Variants in ARAP3 observed in about 807,000 individuals in gnomAD.
The protein encoded by ARAP3 is ArfGAP with RhoGAP domain, ankyrin repeat and PH domain 3.
In ARAP3, 82 loss-of-function variants were observed where a neutral mutation model predicts 169.2. The observed-to-expected ratio is 0.48, with a 90% CI of 0.41 to 0.58. ARAP3 has a LOEUF of 0.58. Among genes scored for constraint, ARAP3 ranks in the 20% least tolerant of loss-of-function variants. ARAP3 has a pLI of 0.00. For missense variants in ARAP3, 1,764 were observed against 2,018.0 expected (o/e 0.87, Z 2.41); for synonymous variants, 791 against 800.3 (o/e 0.99, Z 0.20).
chr5:141,679,742 C>T lies in ARAP3; in HGVS notation c.586+19G>A, dbSNP rs200903046. On this transcript the variant is annotated intron_variant, in intron 3 of 32. Transcript: ENST00000239440. ...TGCCGGCACTATCCCTCTCCCCCAACCCGTGATAACCCAGTTACCTGTGCC... is the reference window on the plus strand; with the variant it reads ...TGCCGGCACTATCCCTCTCCCCCAATCCGTGATAACCCAGTTACCTGTGCC... The T allele has an allele frequency of 2.5e-6, 4 of 1,614,034 alleles. No homozygotes were observed. The highest frequency in any genetic ancestry group is 3.4e-6 in the Non-Finnish European group (4 of 1,180,028).
chr5:141,656,892 A>G, intron 25 of ARAP3, 46 bp from the exon 26 acceptor site: 1 of 1,580,474 alleles, frequency 6.3e-7, no homozygotes, highest in Non-Finnish European at 8.6e-7. Flanking sequence ...GAATATCCAT[A>G]CTAAGCCCCC....
chr5:141,654,585 C>A, intron 32 of ARAP3, 150 bp from the exon 33 acceptor site: 1 of 1,122,660 alleles, frequency 8.9e-7, no homozygotes, highest in Non-Finnish European at 1.2e-6. Context: ...GTGGGTTACA[C>A]TGAGTCAACT....
At chr5:141,658,288 G>T in intron 25 of ARAP3, 77 bp downstream of exon 25, 3 of 1,430,914 alleles carry the variant, frequency 2.1e-6, no homozygotes, top group Non-Finnish European at 2.9e-6. Flanking sequence ...GTAACATGAA[G>T]TCACTGATGA....
At chr5:141,659,317 C>G (rs1376049169) in intron 23 of ARAP3, 91 bp downstream of exon 23, 1 of 1,258,780 alleles carries the variant, frequency 7.9e-7, no homozygotes, top group Non-Finnish European at 1.2e-6. Flanking sequence ...GAAGGACAGG[C>G]TGGAAACTTC....
At chr5:141,679,205 C>T (rs1346872395) in intron 4 of ARAP3, among the ~76,000 whole-genome samples, 1 of 152,190 alleles carries the variant, frequency 6.6e-6, no homozygotes, top group South Asian at 2.1e-4. Context: ...AGGAGAATCG[C>T]TTGAACCCAG....
intron 25 of ARAP3, 119 bp from the exon 26 acceptor site, chr5:141,656,965 G>T: frequency 7.3e-7 from 1 of 1,371,586 alleles, no homozygotes; most frequent in Non-Finnish European, 9.8e-7. Flanking sequence ...ATTTTTCACT[G>T]TCTCTATGCC....
Position 141,679,814 on chromosome 5 carries a change from T to C in ARAP3, c.533A>G (p.Asp178Gly). ...RAQAAQDKAP[D>G]SSQISAPTPA... ...GGTGGGGGCAGAGATTTGGGAGCTG[T>C]CTGGGGCCCTGAAGGGAAAGGTCTA... The change falls in exon 3 of 33, where the codon GAC becomes GGC. Residue 178 changes from aspartate (D) to glycine (G), a missense_variant. Asp to Gly is a moderately conservative substitution (Grantham distance 94, BLOSUM62 -1). This residue lies in a region of ARAP3 where 630 missense variants were observed against 678.7 expected (regional missense o/e 0.93). Transcript: ENST00000239440. 5 of 1,612,494 alleles carry C rather than the reference T, an allele frequency of 3.1e-6. No homozygotes were observed. Among genetic ancestry groups the C allele is most frequent in the Non-Finnish European group, 3.4e-6 (4 of 1,179,566 alleles).
chr5:141,654,085 A>G lies in ARAP3; in HGVS notation c.4500T>C (p.Thr1500=), dbSNP rs1318779012. The change falls in exon 33 of 33, where the codon ACT becomes ACC. Residue 1500 remains threonine (T), a synonymous_variant. Coordinates refer to ENST00000239440, the MANE Select transcript of ARAP3 (RefSeq NM_022481.6). ...GCTGGGAAGGACTTCCCAGGCCTGC[A>G]GTGGTCTCTCCTTTCCTCAGGATGA... ...SSLILRKGET[T]AGLGSPSQPS... 3 of 1,610,184 alleles carry G rather than the reference A, an allele frequency of 1.9e-6. No individual in the cohort carries two copies. The Admixed American group carries it at 5.0e-5, about 27-fold the overall frequency.
chr5:141,680,400 G>T lies in ARAP3; in HGVS notation c.87C>A (p.Gly29=). 6.2e-7 allele frequency: 1 copy of T among 1,613,960 alleles called. No individual in the cohort carries two copies. Among genetic ancestry groups the T allele is most frequent in the Non-Finnish European group, 8.5e-7 (1 of 1,180,038 alleles). The part of the protein sequence containing the change: ...EQYADTFRRH[G]LATAGAARGL... Reference sequence around the variant, plus strand: ...CCCGGGCTGCACCTGCTGTAGCCAGGCCATGCCGTCGGAACGTGTCTGCAT... The same window carrying T: ...CCCGGGCTGCACCTGCTGTAGCCAGTCCATGCCGTCGGAACGTGTCTGCAT... The change falls in exon 2 of 33, where the codon GGC becomes GGA. Residue 29 remains glycine (G), a synonymous_variant. Coordinates refer to ENST00000239440, the MANE Select transcript of ARAP3 (RefSeq NM_022481.6).
At chr5:141,659,712 C>A in intron 22 of ARAP3, 67 bp downstream of exon 22, 1 of 1,565,260 alleles carries the variant, frequency 6.4e-7, no homozygotes, top group South Asian at 1.2e-5. Context: ...TGATCAGGAT[C>A]CAGAGTCTCT....
In ARAP3 at chr5:141,656,286, G is replaced by A; in HGVS notation, c.3790-10C>T. The A allele has an allele frequency of 1.2e-6, 2 of 1,614,152 alleles. No homozygotes were observed. The highest frequency in any genetic ancestry group is 1.7e-6 in the Non-Finnish European group (2 of 1,179,986). On this transcript the variant is annotated splice_polypyrimidine_tract_variant and intron_variant, in intron 27 of 32. Transcript: ENST00000239440. ...GTTCTGGTTTAGAGCTCTGAGAACA[G>A]AAACAGAGTCAGCGAGATGGAGAGA... is the stretch of plus-strand genomic sequence containing the variant.
chr5:141,656,056 G>GT lies in ARAP3; in HGVS notation c.3908+7dup, dbSNP rs775100945. On this transcript the variant is annotated splice_region_variant and intron_variant, in intron 29 of 32. Transcript: ENST00000239440. The stretch of plus-strand genomic sequence containing the variant: ...GCCAGAGGAGAAGCCAGGGCAGGAG[G>GT]TACTCACAGGTGCATCTTCTCTAGT... The GT allele has an allele frequency of 1.1e-5, 17 of 1,614,148 alleles. No homozygotes were observed. The highest frequency in any genetic ancestry group is 1.3e-5 in the Non-Finnish European group (15 of 1,180,038).
chr5:141,674,068 A>G (rs1482114844), intron 4 of ARAP3, among the ~76,000 whole-genome samples: 2 of 141,906 alleles, frequency 1.4e-5, no homozygotes, highest in African/African-American at 2.7e-5. Flanking sequence ...GGTTCAAGCG[A>G]TTCTCCTGCC....
Position 141,673,646 on chromosome 5 carries a change from C to G in ARAP3, c.861G>C (p.Thr287=). The part of the protein sequence containing the change: ...ASFSFTADRL[T]PLLSGWLDKL... ...TGTCTAGCCAGCCACTGAGCAGGGGCGTGAGGCGGTCTGCCGTGAAGGAGA... is the reference window on the plus strand; with the variant it reads ...TGTCTAGCCAGCCACTGAGCAGGGGGGTGAGGCGGTCTGCCGTGAAGGAGA... The change falls in exon 5 of 33, where the codon ACG becomes ACC. Residue 287 remains threonine, a synonymous_variant. Transcript: ENST00000239440. The G allele has an allele frequency of 1.2e-6, 2 of 1,614,186 alleles. No individual in the cohort carries two copies. Among genetic ancestry groups the G allele is most frequent in the African/African-American group, 1.3e-5 (1 of 75,050 alleles).
rs58853991 is a variant in ARAP3, at chr5:141,662,212, G to C, written c.2844C>G (p.Ala948=). ...EGVYRKGGAR[A]RSLRLLAEFR... is the part of the protein sequence containing the mutation. Reference sequence around the variant, plus strand: ...ACTCAGCCAGGAGTCTCAGGCTGCGGGCACGAGCGCCCCCTTTCCGGTATA... The same window carrying C: ...ACTCAGCCAGGAGTCTCAGGCTGCGCGCACGAGCGCCCCCTTTCCGGTATA... The change falls in exon 20 of 33, where the codon GCC becomes GCG. Residue 948 remains alanine, a synonymous_variant. Coordinates refer to ENST00000239440, the MANE Select transcript of ARAP3 (RefSeq NM_022481.6). 1 of 1,614,160 alleles carries C rather than the reference G, an allele frequency of 6.2e-7. No individual in the cohort carries two copies. The highest frequency in any genetic ancestry group is 8.5e-7 in the Non-Finnish European group (1 of 1,180,034).
rs1456334397 is a variant in ARAP3 at position 141,673,426 on chromosome 5, C to A, written c.947G>T (p.Ser316Ile). ...QRRFVQFNGR[S>I]LMYFGSDKDP... ...CTTGTCACTGCCAAAGTACATCAGA[C>A]TCCTCCCATTGAACTGCACAAAGCG... The change falls in exon 6 of 33, where the codon AGT becomes ATT. Residue 316 changes from serine to isoleucine, a missense_variant. Physicochemically the swap from Ser to Ile is moderately radical, Grantham distance 142. Coordinates refer to ENST00000239440, the MANE Select transcript of ARAP3 (RefSeq NM_022481.6). The A allele has an allele frequency of 2.5e-6, 4 of 1,614,176 alleles. No individual in the cohort carries two copies. The highest frequency in any genetic ancestry group is 3.4e-6 in the Non-Finnish European group (4 of 1,180,038).
At chr5:141,669,846 A>G in intron 15 of ARAP3, 35 bp from the exon 16 acceptor site, 1 of 1,612,598 alleles carries the variant, frequency 6.2e-7, no homozygotes, top group South Asian at 1.1e-5. Flanking sequence ...GGAGGATGGG[A>G]CCAATGAGAG....
chr5:141,671,994 AG>A lies in ARAP3; in HGVS notation c.1586-15del. The A allele has an allele frequency of 6.3e-7, 1 of 1,585,566 alleles. No homozygotes were observed. Among genetic ancestry groups the A allele is most frequent in the Non-Finnish European group, 8.6e-7 (1 of 1,157,190 alleles). Reference sequence around the variant, plus strand: ...CCCGGTGCTGACCTGTGAGGGTGTGAGGGTGTGTGAGGGTGTGTGAGGGTGT... The same window carrying A: ...CCCGGTGCTGACCTGTGAGGGTGTGAGGTGTGTGAGGGTGTGTGAGGGTGT... On this transcript the variant is annotated splice_polypyrimidine_tract_variant and intron_variant, in intron 10 of 32. Coordinates refer to ENST00000239440, the MANE Select transcript of ARAP3 (RefSeq NM_022481.6). The surrounding 1 kb of genome is among the most constrained non-coding windows in gnomAD (Gnocchi z 4.9).
chr5:141,666,619 G>T lies in ARAP3; in HGVS notation c.2377C>A (p.Gln793Lys). 1.4e-6 allele frequency: 2 copies of T among 1,457,566 alleles called. No homozygotes were observed. Among genetic ancestry groups the T allele is most frequent in the Non-Finnish European group, 1.8e-6 (2 of 1,099,506 alleles). 90.3% of individuals were successfully genotyped at this position (1,457,566 alleles called of 1,614,324 possible). Residue 793 changes from glutamine (Q) to lysine (K), a missense_variant, in exon 17 of 33, where the codon CAG becomes AAG. Physicochemically the swap from Gln to Lys is moderately conservative, Grantham distance 53. Transcript: ENST00000239440. The stretch of plus-strand genomic sequence containing the variant: ...CGCAGCAGCCCGGGGCCCAGCAGCT[G>T]GTGGCAGCTCAGCGGGGAGAACCAC... ...GKWFSPLSCH[Q>K]LLGPGLLRLG...
Sources: gnomAD v4.1 joint callset for allele counts (sites outside exome capture counted in the v4.1 genomes callset) on GRCh38, gnomAD v4.1.1 for gene constraint, gnomAD v4.1.1 regional missense constraint, Gnocchi (gnomAD v3.1) non-coding constraint, MANE v1.5 for transcripts, NCBI Gene and HGNC (gene_info 2026-07-23, HGNC 2026-07-21) for gene names.